Variants in ITPR2 observed in about 807,000 individuals in gnomAD.
ITPR2 encodes the protein inositol 1,4,5-trisphosphate receptor type 2.
Under a neutral mutation model 317.1 loss-of-function variants are expected in ITPR2, and 207 were observed. The ratio of observed to expected loss-of-function variants is 0.65; its 90% CI spans 0.58 to 0.73. The LOEUF (loss-of-function observed/expected upper bound fraction) is 0.73. Among genes scored for constraint, ITPR2 ranks in the 30% least tolerant of loss-of-function variants. The pLI, the probability that ITPR2 is intolerant of heterozygous loss-of-function variation, is 0.00. For missense variants in ITPR2, 2,613 were observed against 3,284.0 expected (o/e 0.80, Z 4.99); for synonymous variants, 1,156 against 1,149.1 (o/e 1.01, Z -0.12).
At chr12:26,570,938 A>G (rs1422587149) in intron 34 of ITPR2, among the ~76,000 whole-genome samples, 1 of 152,146 alleles carries the variant, frequency 6.6e-6, no homozygotes. Context: ...ACTTGCTCCC[A>G]CCATCACCCT....
Position 26,486,215 on chromosome 12 carries a change from G to A in ITPR2, c.5700C>T (p.Asn1900=). The change falls in exon 41 of 57, where the codon AAC becomes AAT. Residue 1900 remains asparagine, a synonymous_variant. Coordinates refer to ENST00000381340, the MANE Select transcript of ITPR2 (RefSeq NM_002223.4). ...DIMCTGPEAG[N]TEEKSAEEVT... is the part of the protein sequence containing the mutation. The stretch of plus-strand genomic sequence containing the variant: ...CTTCCTCTGCGGATTTTTCCTCAGT[G>A]TTTCCCGCTTCTGGTCCTGTGCACA... The A allele has an allele frequency of 6.2e-7, 1 of 1,614,100 alleles. No individual in the cohort carries two copies. Among genetic ancestry groups the A allele is most frequent in the Non-Finnish European group, 8.5e-7 (1 of 1,180,008 alleles).
intron 45 of ITPR2, among the ~76,000 whole-genome samples, chr12:26,463,696 A>C (rs1363387133): frequency 1.2e-5 from 1 of 82,054 alleles, no homozygotes; most frequent in African/African-American, 4.0e-5. Flanking sequence ...CAAACAAACA[A>C]ACAAAAAAAA....
At chr12:26,386,946 C>CGAA (rs1939684992) in intron 55 of ITPR2, among the ~76,000 whole-genome samples, 1 of 151,968 alleles carries the variant, frequency 6.6e-6, no homozygotes, top group South Asian at 2.1e-4. Context: ...TAAATCAATC[C>CGAA]GAAGTATGTG....
At chr12:26,781,896 G>A (rs1269771993) in intron 2 of ITPR2, among the ~76,000 whole-genome samples, 1 of 151,120 alleles carries the variant, frequency 6.6e-6, no homozygotes, top group Admixed American at 6.6e-5. Context: ...TGTGCCGGAT[G>A]CTTCCTGCCC....
intron 24 of ITPR2, 149 bp from the exon 25 acceptor site, chr12:26,622,554 T>C: frequency 1.7e-6 from 1 of 594,442 alleles, no homozygotes; most frequent in Non-Finnish European, 2.8e-6. Flanking sequence ...GTTTTCCTCA[T>C]GTAACTGATG....
chr12:26,595,484 A>T lies in ITPR2; in HGVS notation c.4361T>A (p.Phe1454Tyr). The change falls in exon 32 of 57, where the codon TTC becomes TAC. Residue 1454 changes from phenylalanine to tyrosine, a missense_variant. By Grantham distance (22) the Phe-to-Tyr change is conservative (BLOSUM62 3). This residue lies in a region of ITPR2 where 926 missense variants were observed against 1,072.8 expected (regional missense o/e 0.86). Coordinates refer to ENST00000381340, the MANE Select transcript of ITPR2 (RefSeq NM_002223.4). ...SNHIWKLFEN[F>Y]LVDMARVCNT... The stretch of plus-strand genomic sequence containing the variant: ...ACTTACCCTTGCCATATCCACCAAG[A>T]AGTTCTCAAATAATTTCCAAATGTG... The T allele has an allele frequency of 6.2e-7, 1 of 1,608,826 alleles. No homozygotes were observed. The highest frequency in any genetic ancestry group is 8.5e-7 in the Non-Finnish European group (1 of 1,178,644).
At chr12:26,714,870 G>A (rs372525161) in intron 8 of ITPR2, among the ~76,000 whole-genome samples, 2 of 152,252 alleles carry the variant, frequency 1.3e-5, no homozygotes, top group South Asian at 2.1e-4. Flanking sequence ...ATCTACAGAA[G>A]AAATAAACAT....
At chr12:26,648,503 C>G (rs1352927246) in intron 21 of ITPR2, among the ~76,000 whole-genome samples, 1 of 147,364 alleles carries the variant, frequency 6.8e-6, no homozygotes, top group Non-Finnish European at 1.5e-5. Context: ...GTTTATAAAA[C>G]CACTTTCTTT....
At chr12:26,638,594 A>C (rs1222443939) in intron 21 of ITPR2, among the ~76,000 whole-genome samples, 2 of 152,208 alleles carry the variant, frequency 1.3e-5, no homozygotes, top group African/African-American at 4.8e-5. Context: ...TATGCCAAAG[A>C]ATACTGGGTA....
chr12:26,550,991 T>A (rs950992945), intron 36 of ITPR2, among the ~76,000 whole-genome samples: 6 of 152,244 alleles, frequency 3.9e-5, no homozygotes, highest in African/African-American at 1.4e-4. Flanking sequence ...AGTGGTACAC[T>A]GTGCACTGGT....
chr12:26,464,351 A>T (rs150699287), intron 45 of ITPR2, among the ~76,000 whole-genome samples: 1,702 of 152,292 alleles, frequency 0.011, 19 homozygotes, highest in Non-Finnish European at 0.012. Flanking sequence ...CATGCATTAG[A>T]TTCTCATAAG....
At chr12:26,793,209 T>C (rs1199856342) in intron 1 of ITPR2, among the ~76,000 whole-genome samples, 3 of 152,192 alleles carry the variant, frequency 2.0e-5, no homozygotes, top group Non-Finnish European at 4.4e-5. Flanking sequence ...AATACAAAGA[T>C]TGACCTTTGG....
chr12:26,346,421 G>A (rs1308226688), intron 55 of ITPR2, among the ~76,000 whole-genome samples: 13 of 152,088 alleles, frequency 8.5e-5, no homozygotes, highest in Non-Finnish European at 2.9e-5. Context: ...TCAGGAGTTC[G>A]AGACCAGCCT....
intron 1 of ITPR2, among the ~76,000 whole-genome samples, chr12:26,799,655 C>T (rs1207502362): frequency 2.6e-5 from 4 of 152,180 alleles, no homozygotes; most frequent in Admixed American, 1.3e-4. Flanking sequence ...TTCTTCTGGG[C>T]TTCTCTTTCT....
intron 13 of ITPR2, 84 bp from the exon 14 acceptor site, chr12:26,666,135 GAGATAGAT>G: frequency 2.4e-6 from 1 of 411,772 alleles, no homozygotes; most frequent in Non-Finnish European, 4.1e-6. Context: ...TAGGTAGGTA[GAGATAGAT>G]AGATAGATAG....
chr12:26,572,556 C>T (rs980545634), intron 34 of ITPR2, among the ~76,000 whole-genome samples: 3 of 152,172 alleles, frequency 2.0e-5, no homozygotes. Context: ...AGACTGAAGC[C>T]AGTTGACTAG....
intron 22 of ITPR2, among the ~76,000 whole-genome samples, chr12:26,629,665 A>G (rs1319422418): frequency 1.3e-5 from 2 of 151,164 alleles, no homozygotes; most frequent in Non-Finnish European, 2.9e-5. Context: ...TCACAATCTG[A>G]ATCAATCTCC....
intron 26 of ITPR2, 33 bp from the exon 27 acceptor site, chr12:26,602,739 A>G: frequency 8.4e-7 from 1 of 1,194,364 alleles, no homozygotes. Flanking sequence ...CTTTTATGCC[A>G]TTTGTAGCTT....
At chr12:26,365,579 C>G (rs1340719696) in intron 55 of ITPR2, among the ~76,000 whole-genome samples, 1 of 152,182 alleles carries the variant, frequency 6.6e-6, no homozygotes, top group African/African-American at 2.4e-5. Context: ...ATTTGCTCAT[C>G]TGTGCATTTA....
Sources: allele counts gnomAD v4.1 joint callset (sites outside exome capture counted in the v4.1 genomes callset), GRCh38; gene constraint gnomAD v4.1.1; regional missense constraint gnomAD v4.1.1; transcripts MANE v1.5; gene names NCBI Gene and HGNC (gene_info 2026-07-23, HGNC 2026-07-21).